The following CROCC2 variants were observed in gnomAD, a reference collection of about 807,000 sequenced individuals.
CROCC2 encodes ciliary rootlet coiled-coil protein 2.
In CROCC2, 163 loss-of-function variants were observed where a neutral mutation model predicts 177.6. The observed-to-expected ratio is 0.92, with a 90% CI of 0.81 to 1.05. The LOEUF (loss-of-function observed/expected upper bound fraction) is 1.05. Among genes scored for constraint, CROCC2 ranks in the 50% least tolerant of loss-of-function variants. The pLI, the probability that CROCC2 is intolerant of heterozygous loss-of-function variation, is 0.00. For synonymous variants in CROCC2, 904 were observed against 787.3 expected, an observed-to-expected ratio of 1.15 and a Z score of -2.48; for missense variants, 1,929 against 1,797.8, an observed-to-expected ratio of 1.07 and a Z score of -1.32.
intron 19 of CROCC2, among the ~76,000 whole-genome samples, chr2:240,956,670 G>A (rs2059592433): frequency 6.6e-6 from 1 of 152,220 alleles, no homozygotes; most frequent in Non-Finnish European, 1.5e-5. Flanking sequence ...CACTGGGCAG[G>A]AGGGCTATAG....
At chr2:240,954,746 A>C (rs752851367) in intron 18 of CROCC2, 2 of 152,118 alleles carry the variant, frequency 1.3e-5, no homozygotes, top group African/African-American at 4.8e-5. Context: ...CAAAGCCCCA[A>C]CCCTCTAATA....
At chr2:240,950,609 G>A (rs2106470239) in intron 18 of CROCC2, 99 bp downstream of exon 18, 1 of 1,257,590 alleles carries the variant, frequency 8.0e-7, no homozygotes, top group Non-Finnish European at 1.1e-6. Flanking sequence ...CCTTAGGCAG[G>A]TCCAACCGCC....
At position 240,960,814 on chromosome 2, in the gene CROCC2, A is replaced by G. The variant is rs932188544; in HGVS notation, c.3087+1370A>G. Among the ~76,000 whole-genome samples the G allele has an allele frequency of 6.6e-6, 1 of 151,286 alleles. No individual in the cohort carries two copies. Among genetic ancestry groups the G allele is most frequent in the Non-Finnish European group, 1.5e-5 (1 of 67,888 alleles). On this transcript the variant is annotated intron_variant, in intron 20 of 31. Coordinates refer to ENST00000690015, the MANE Select transcript of CROCC2 (RefSeq NM_001351305.2). The surrounding 1 kb of genome is among the most constrained non-coding windows in gnomAD (Gnocchi z 5.0). ...TGATTTAACATGACCGGCTGTTTAC[A>G]TTGGCCCCAAGGAGAAAGGTCTCCT... is the stretch of plus-strand genomic sequence containing the variant.
At chr2:240,941,870 G>T (rs1251282820) in intron 14 of CROCC2, among the ~76,000 whole-genome samples, 1 of 152,206 alleles carries the variant, frequency 6.6e-6, no homozygotes, top group African/African-American at 2.4e-5. Flanking sequence ...TAGGCCATAA[G>T]GGTTCCACCC....
intron 27 of CROCC2, among the ~76,000 whole-genome samples, chr2:240,974,872 C>T (rs2106485424): frequency 6.6e-6 from 1 of 152,104 alleles, no homozygotes; most frequent in Non-Finnish European, 1.5e-5. Flanking sequence ...TTTATTTCTT[C>T]TTAAATTTGG....
intron 20 of CROCC2, among the ~76,000 whole-genome samples, chr2:240,961,276 A>C (rs1321613657): frequency 6.6e-6 from 1 of 152,008 alleles, no homozygotes; most frequent in Non-Finnish European, 1.5e-5. Flanking sequence ...GACCACACAC[A>C]CCGGTGTACA....
chr2:240,945,705 G>T (rs185386748), intron 14 of CROCC2, among the ~76,000 whole-genome samples: 1 of 152,016 alleles, frequency 6.6e-6, no homozygotes, highest in East Asian at 1.9e-4. Context: ...GGAAGTGTTG[G>T]TCTGCAGCAA....
intron 15 of CROCC2, among the ~76,000 whole-genome samples, chr2:240,948,311 G>A (rs1002844252): frequency 1.3e-5 from 2 of 152,166 alleles, no homozygotes; most frequent in African/African-American, 4.8e-5. Flanking sequence ...TGAAGGGGGT[G>A]GCGGTGGCCA....
intron 28 of CROCC2, among the ~76,000 whole-genome samples, chr2:240,985,684 A>G (rs1559192809): frequency 7.8e-5 from 5 of 63,806 alleles, no homozygotes; most frequent in Admixed American, 1.9e-4. Context: ...CACTCACTCC[A>G]CACACACCCA....
At position 240,953,776 on chromosome 2, in the gene CROCC2, G is replaced by A. The variant is rs553438583; in HGVS notation, c.2830-2083G>A. Among the ~76,000 whole-genome samples, 3 of 149,220 alleles carry A rather than the reference G, an allele frequency of 2.0e-5. No homozygotes were observed. In the South Asian group the frequency reaches 6.4e-4, roughly 32 times the overall value. On this transcript the variant is annotated intron_variant, in intron 18 of 31. Coordinates refer to ENST00000690015, the MANE Select transcript of CROCC2 (RefSeq NM_001351305.2). The surrounding 1 kb of genome is among the most constrained non-coding windows in gnomAD (Gnocchi z 4.0). ...ATGAAGAAGAGGAATTATATGTGGA[G>A]CAAGAGCCAAAGACCTGGAGCCGCT...
intron 19 of CROCC2, chr2:240,957,863 G>C (rs1465457598): frequency 8.8e-6 from 5 of 570,602 alleles, no homozygotes; most frequent in Non-Finnish European, 1.1e-5. Context: ...CCCTCCTCCC[G>C]ACCACTGGCC....
chr2:240,983,058 C>T, intron 28 of CROCC2, 29 bp downstream of exon 28: 1 of 1,544,854 alleles, frequency 6.5e-7, no homozygotes, highest in Non-Finnish European at 8.7e-7. Flanking sequence ...GCAGGGTACG[C>T]TGTCACCAGG....
chr2:240,907,770 C>T (rs79481661), intron 1 of CROCC2, among the ~76,000 whole-genome samples: 2 of 38,486 alleles, frequency 5.2e-5, no homozygotes, highest in Admixed American at 3.1e-4. Flanking sequence ...CTCCACCTGG[C>T]GTGAGCTCTA....
intron 31 of CROCC2, among the ~76,000 whole-genome samples, chr2:240,991,790 T>C (rs1385564976): frequency 3.9e-5 from 6 of 152,234 alleles, no homozygotes; most frequent in Admixed American, 1.3e-4. Context: ...CTTCCCCGGC[T>C]TCATTCCGTG....
At position 240,953,138 on chromosome 2, in the gene CROCC2, G is replaced by T. The variant is rs1258714755; in HGVS notation, c.2829+2628G>T. 6.6e-6 allele frequency among the ~76,000 whole-genome samples: 1 copy of T among 152,104 alleles called. No individual in the cohort carries two copies. Among genetic ancestry groups the T allele is most frequent in the Non-Finnish European group, 1.5e-5 (1 of 68,012 alleles). On this transcript the variant is annotated intron_variant, in intron 18 of 31. Transcript: ENST00000690015. The surrounding 1 kb of genome is among the most constrained non-coding windows in gnomAD (Gnocchi z 4.0). ...CTCGGTCAAACAGGAGTGCAGGCTT[G>T]GTGGCTCATGCCTATGATCCCAGCA...
rs1033409681 is a variant in CROCC2, at chr2:240,992,107, C to A, written c.4946+829C>A. Among the ~76,000 whole-genome samples, 32 of 152,212 alleles carry A rather than the reference C, an allele frequency of 2.1e-4. 1 individual carries two copies. The highest frequency in any genetic ancestry group is 2.1e-3 in the Admixed American group (32 of 15,280). On this transcript the variant is annotated intron_variant, in intron 31 of 31. Transcript: ENST00000690015. The stretch of plus-strand genomic sequence containing the variant: ...GACTCCGGCTGGGTTGCTATGGAGA[C>A]CCAGGCGGCCATCTTGGGCCTGTGG...
At position 240,950,450 on chromosome 2, in the gene CROCC2, T is replaced by A; in HGVS notation, c.2769T>A (p.Ile923=). 6.5e-7 allele frequency: 1 copy of A among 1,550,100 alleles called. No homozygotes were observed. Among genetic ancestry groups the A allele is most frequent in the Non-Finnish European group, 8.7e-7 (1 of 1,146,774 alleles). The change falls in exon 18 of 32, where the codon ATT becomes ATA. Residue 923 remains isoleucine (I), a synonymous_variant. Transcript: ENST00000690015. ...AAEREALKGE[I]QSLKQERDES... ...AGAGGGAGGCTCTGAAGGGGGAAATTCAGAGCCTGAAGCAGGAGCGGGACG... is the reference window on the plus strand; with the variant it reads ...AGAGGGAGGCTCTGAAGGGGGAAATACAGAGCCTGAAGCAGGAGCGGGACG...
Position 240,934,918 on chromosome 2 carries a change from C to T in CROCC2, c.1794C>T (p.Ala598=), listed in dbSNP as rs540981846. ...REGLRSALAR[A]ECSNADLELL... ...TGGCATCCCCCTCCCTGCCCCAGGC[C>T]GAGTGCAGCAATGCGGACCTGGAGC... The change falls in exon 13 of 32, where the codon GCC becomes GCT. Residue 598 remains alanine, a splice_region_variant and synonymous_variant. Transcript: ENST00000690015. The T allele has an allele frequency of 5.3e-6, 8 of 1,511,028 alleles. No individual in the cohort carries two copies. Among genetic ancestry groups the T allele is most frequent in the East Asian group, 5.2e-5 (2 of 38,270 alleles). The allele number at this position is 1,511,028 out of a possible 1,614,324, so 93.6% of individuals were successfully genotyped here. A position where few individuals can be genotyped will look rare whatever the true frequency, so the allele number is the denominator to read the frequency against.
intron 10 of CROCC2, 123 bp from the exon 11 acceptor site, chr2:240,933,546 CA>C (rs891252588): frequency 8.1e-7 from 1 of 1,230,768 alleles, no homozygotes; most frequent in African/African-American, 1.5e-5. Flanking sequence ...GTCTGCTTCT[CA>C]GGCTCCCTCT....
Sources: gnomAD v4.1 joint callset for allele counts (sites outside exome capture counted in the v4.1 genomes callset) on GRCh38, gnomAD v4.1.1 for gene constraint, Gnocchi (gnomAD v3.1) non-coding constraint, MANE v1.5 for transcripts, NCBI Gene and HGNC (gene_info 2026-07-23, HGNC 2026-07-21) for gene names.